Variants in USP47 observed in about 807,000 individuals in gnomAD.
The protein encoded by USP47 is ubiquitin carboxyl-terminal hydrolase 47.
Under a neutral mutation model 165.1 loss-of-function variants are expected in USP47, and 35 were observed. That is an observed-to-expected ratio of 0.21 (90% CI 0.16 to 0.28). The LOEUF (loss-of-function observed/expected upper bound fraction) is 0.28, where lower values mean the gene tolerates loss of function less well. Among genes scored for constraint, USP47 ranks in the 10% least tolerant of loss-of-function variants. USP47 has a pLI of 1.00. For missense variants in USP47, 1,277 were observed against 1,607.4 expected, an observed-to-expected ratio of 0.79 and a Z score of 3.52; for synonymous variants, 531 against 544.5, an observed-to-expected ratio of 0.98 and a Z score of 0.35.
intron 20 of USP47, among the ~76,000 whole-genome samples, chr11:11,945,008 A>G (rs1855731661): frequency 6.6e-6 from 1 of 152,222 alleles, no homozygotes; most frequent in Non-Finnish European, 1.5e-5. Context: ...AATGTTGGCC[A>G]TATTTGGAAA....
At chr11:11,871,501 CAAAAAAAA>C (rs71037046) in intron 1 of USP47, among the ~76,000 whole-genome samples, 35 of 63,138 alleles carry the variant, frequency 5.5e-4, no homozygotes, top group Admixed American at 1.1e-3. Flanking sequence ...AACTCCCTCT[CAAAAAAAA>C]AAAAAAAAAA....
intron 1 of USP47, among the ~76,000 whole-genome samples, chr11:11,852,754 A>G (rs1848799136): frequency 6.6e-6 from 1 of 152,226 alleles, no homozygotes; most frequent in African/African-American, 2.4e-5. Context: ...GGGAGGCATC[A>G]GAGCTAAATC....
At position 11,959,312 on chromosome 11, in the gene USP47, CTA is replaced by C. The variant is rs372492369; in HGVS notation, c.*3139_*3140del. On this transcript the variant is annotated 3_prime_UTR_variant, in exon 28 of 28. Transcript: ENST00000527733. ...CAAGTTTTTTGTTTGCTGAATAAAA[CTA>C]TTCCATCTTAACAATTCTGTGTAAT... 2 of 152,156 alleles carry C rather than the reference CTA, an allele frequency of 1.3e-5. No homozygotes were observed. The highest frequency in any genetic ancestry group is 2.4e-5 in the African/African-American group (1 of 41,438). 9.4% of individuals were successfully genotyped at this position (152,156 alleles called of 1,614,324 possible).
chr11:11,887,361 T>G (rs1358294436), intron 3 of USP47, among the ~76,000 whole-genome samples: 3 of 151,734 alleles, frequency 2.0e-5, no homozygotes. Flanking sequence ...ACACATAGGC[T>G]CAAAATAAAG....
chr11:11,943,232 A>G (rs1855605237), intron 20 of USP47, 120 bp downstream of exon 20: 1 of 1,177,834 alleles, frequency 8.5e-7, no homozygotes, highest in Non-Finnish European at 1.2e-6. Context: ...TTTCTGGATT[A>G]TAAGATTATT....
chr11:11,904,692 C>T (rs1250811039), intron 7 of USP47, among the ~76,000 whole-genome samples: 8 of 152,032 alleles, frequency 5.3e-5, no homozygotes, highest in Non-Finnish European at 7.4e-5. Context: ...AGTTACCTAC[C>T]GCCTTTGAGT....
intron 1 of USP47, chr11:11,873,777 C>A: frequency 7.6e-7 from 1 of 1,309,748 alleles, no homozygotes; most frequent in Non-Finnish European, 1.0e-6. Context: ...ATTTGTAATT[C>A]ATTTTGTTCT....
chr11:11,933,763 A>AT (rs1854850361), intron 15 of USP47, 68 bp from the exon 16 acceptor site: 1 of 1,084,738 alleles, frequency 9.2e-7, no homozygotes, highest in Non-Finnish European at 1.4e-6. Flanking sequence ...AATTAGGAAT[A>AT]AATGCTATCT....
chr11:11,940,366 A>T (rs1484954933), intron 18 of USP47, 63 bp from the exon 19 acceptor site: 1 of 1,510,664 alleles, frequency 6.6e-7, no homozygotes, highest in Non-Finnish European at 8.9e-7. Context: ...GCTTTCCCAT[A>T]TTTTTAAGTC....
intron 1 of USP47, among the ~76,000 whole-genome samples, chr11:11,873,368 T>C (rs575143755): frequency 6.6e-6 from 1 of 152,234 alleles, no homozygotes; most frequent in African/African-American, 2.4e-5. Flanking sequence ...GAGATATATA[T>C]TAAAATAGTT....
At chr11:11,913,604 G>T (rs751592049) in intron 8 of USP47, among the ~76,000 whole-genome samples, 5 of 152,038 alleles carry the variant, frequency 3.3e-5, no homozygotes, top group Non-Finnish European at 7.4e-5. Context: ...GTTACCAGAG[G>T]CTGGGAACAG....
intron 8 of USP47, among the ~76,000 whole-genome samples, chr11:11,907,776 G>A (rs1347617248): frequency 6.6e-6 from 1 of 152,060 alleles, no homozygotes; most frequent in African/African-American, 2.4e-5. Flanking sequence ...TAGTGGACTG[G>A]TATTTTTGTC....
chr11:11,909,051 C>T (rs1852777015), intron 8 of USP47, among the ~76,000 whole-genome samples: 1 of 152,038 alleles, frequency 6.6e-6, no homozygotes, highest in South Asian at 2.1e-4. Flanking sequence ...TGTGGGACAT[C>T]TGTTAATATC....
At chr11:11,928,093 A>T (rs1854384252) in intron 11 of USP47, among the ~76,000 whole-genome samples, 1 of 152,064 alleles carries the variant, frequency 6.6e-6, no homozygotes, top group South Asian at 2.1e-4. Flanking sequence ...AAACTTAAAA[A>T]ATGTATAGCT....
At chr11:11,891,096 A>G (rs1173773146) in intron 3 of USP47, among the ~76,000 whole-genome samples, 1 of 152,174 alleles carries the variant, frequency 6.6e-6, no homozygotes, top group Non-Finnish European at 1.5e-5. Flanking sequence ...CAACCATGGC[A>G]CACATTACCT....
chr11:11,949,900 T>G lies in USP47; in HGVS notation c.3360T>G (p.Phe1120Leu), dbSNP rs368279543. The G allele has an allele frequency of 9.9e-6, 16 of 1,610,494 alleles. No individual in the cohort carries two copies. In the Middle Eastern group the frequency reaches 8.3e-4, roughly 83 times the overall value. The change falls in exon 23 of 28, where the codon TTT (phenylalanine) becomes TTG (leucine). Residue 1120 changes from phenylalanine to leucine, a missense_variant. This residue lies in a region of USP47 where 909 missense variants were observed against 1,068.1 expected (regional missense o/e 0.85). Coordinates refer to ENST00000527733, the MANE Select transcript of USP47 (RefSeq NM_001282659.2). ...GTTTATATTTCTAGCCATGCAAGTT[T>G]CTGCTAGATGCTGTGTTTGCTAAAG... ...LLVNEQEPCK[F>L]LLDAVFAKGM...
rs1016938894 is a variant in USP47 at position 11,957,320 on chromosome 11, A to G, written c.*1145A>G. The G allele has an allele frequency of 3.3e-5, 5 of 152,580 alleles. No homozygotes were observed. The highest frequency in any genetic ancestry group is 1.2e-4 in the African/African-American group (5 of 41,472). 9.5% of individuals were successfully genotyped at this position (152,580 alleles called of 1,614,324 possible). A position where few individuals can be genotyped will look rare whatever the true frequency, so the allele number is the denominator to read the frequency against. ...CATGGTACAGACTGATGCAGTCAAC[A>G]TGATTTCATTGCAGAGTTTATTAGT... On this transcript the variant is annotated 3_prime_UTR_variant, in exon 28 of 28. Transcript: ENST00000527733.
intron 3 of USP47, among the ~76,000 whole-genome samples, chr11:11,887,327 G>A (rs1331398876): frequency 6.6e-6 from 1 of 152,104 alleles, no homozygotes; most frequent in African/African-American, 2.4e-5. Flanking sequence ...CTGTCTTCAA[G>A]AGACCCATCT....
chr11:11,949,724 G>A (rs927869251), intron 22 of USP47, among the ~76,000 whole-genome samples, 165 bp from the exon 23 acceptor site: 1 of 152,140 alleles, frequency 6.6e-6, no homozygotes, highest in African/African-American at 2.4e-5. Context: ...CAAGATAGCT[G>A]AGCTCATAAA....
Sources: allele counts gnomAD v4.1 joint callset (sites outside exome capture counted in the v4.1 genomes callset), GRCh38; gene constraint gnomAD v4.1.1; regional missense constraint gnomAD v4.1.1; transcripts MANE v1.5; gene names NCBI Gene and HGNC (gene_info 2026-07-23, HGNC 2026-07-21).